The following LRRC9 variants were observed in gnomAD, a reference collection of about 807,000 sequenced individuals.
LRRC9 encodes leucine-rich repeat-containing protein 9.
Under a neutral mutation model 63.2 loss-of-function variants are expected in LRRC9, and 122 were observed. The ratio of observed to expected loss-of-function variants is 1.93; its 90% CI spans 1.67 to 2.24. LRRC9 has a LOEUF of 2.24. Among genes scored for constraint, LRRC9 ranks in the 30% most tolerant of loss-of-function variants. The pLI is 0.00. For missense variants in LRRC9, 1,071 were observed against 627.7 expected (o/e 1.71, Z -7.55); for synonymous variants, 366 against 213.1 (o/e 1.72, Z -6.25).
intron 23 of LRRC9, among the ~76,000 whole-genome samples, chr14:60,008,441 A>G (rs563130786): frequency 6.6e-6 from 1 of 152,290 alleles, no homozygotes; most frequent in Non-Finnish European, 1.5e-5. Context: ...TGTGCTGCTT[A>G]CAATAGAACC....
intron 29 of LRRC9, among the ~76,000 whole-genome samples, chr14:60,041,681 T>C (rs984097391): frequency 2.0e-5 from 3 of 152,218 alleles, no homozygotes; most frequent in African/African-American, 7.2e-5. Flanking sequence ...TTGTGATGTG[T>C]TCGAACACCC....
At chr14:60,061,851 T>C (rs1471492484) in intron 31 of LRRC9, among the ~76,000 whole-genome samples, 160 bp from the exon 32 acceptor site, 2 of 152,226 alleles carry the variant, frequency 1.3e-5, no homozygotes. Context: ...ACATTATAAT[T>C]CTATATTTTT....
At chr14:60,036,825 T>C (rs1224737861) in intron 29 of LRRC9, among the ~76,000 whole-genome samples, 1 of 152,140 alleles carries the variant, frequency 6.6e-6, no homozygotes, top group East Asian at 1.9e-4. Flanking sequence ...TGCAAGTTTG[T>C]TACATATGTA....
At position 60,042,510 on chromosome 14, in the gene LRRC9, G is replaced by A. The variant is rs1441635587; in HGVS notation, c.3990+10447G>A. Among the ~76,000 whole-genome samples the A allele has an allele frequency of 6.6e-6, 1 of 152,228 alleles. No homozygotes were observed. The highest frequency in any genetic ancestry group is 2.1e-4 in the South Asian group (1 of 4,836). ...AGTTCGATCTCAGACTGCTGTGCTGGCAGTGAGTGAGGCTCCGTGGGCATG... is the reference window on the plus strand; with the variant it reads ...AGTTCGATCTCAGACTGCTGTGCTGACAGTGAGTGAGGCTCCGTGGGCATG... On this transcript the variant is annotated intron_variant, in intron 29 of 31. Coordinates refer to ENST00000445360, the Ensembl canonical transcript of LRRC9. This position sits in a 1 kb window ranked among gnomAD's most constrained non-coding sequence, Gnocchi z 4.2.
chr14:60,019,190 A>G, exon 26 of LRRC9: 4 of 700,448 alleles, frequency 5.7e-6, no homozygotes, highest in Non-Finnish European at 1.0e-5. Context: ...TCACTTAACC[A>G]GTAGACAACT....
Position 60,036,271 on chromosome 14 carries a change from T to A in LRRC9, c.3990+4208T>A, listed in dbSNP as rs896021345. Among the ~76,000 whole-genome samples the A allele has an allele frequency of 2.0e-5, 3 of 152,178 alleles. No homozygotes were observed. In the South Asian group the frequency reaches 6.2e-4, roughly 32 times the overall value. ...ATTTTGGGGGCACATCAGCATTCAG[T>A]CCATAGCAACATTTAATCCTTAGCC... On this transcript the variant is annotated intron_variant, in intron 29 of 31. Coordinates refer to ENST00000445360, the Ensembl canonical transcript of LRRC9.
intron 16 of LRRC9, among the ~76,000 whole-genome samples, chr14:59,982,397 T>G (rs1256225848): frequency 1.3e-5 from 2 of 152,268 alleles, no homozygotes; most frequent in Non-Finnish European, 2.9e-5. Flanking sequence ...GAGTAATTTA[T>G]GAAGAGAATA....
rs1881238701 is a variant in LRRC9 at position 59,938,060 on chromosome 14, G to A, written c.544-330G>A. On this transcript the variant is annotated intron_variant, in intron 6 of 31. Transcript: ENST00000445360. This position sits in a 1 kb window ranked among gnomAD's most constrained non-coding sequence, Gnocchi z 4.2. ...ATCAGAGACCTACAGGTATCCTGGG[G>A]GCAATTAGCAAGAGGGGCTGTGTAG... 6.6e-6 allele frequency among the ~76,000 whole-genome samples: 1 copy of A among 152,082 alleles called. No individual in the cohort carries two copies. The highest frequency in any genetic ancestry group is 1.5e-5 in the Non-Finnish European group (1 of 68,002).
At position 60,022,895 on chromosome 14, in the gene LRRC9, TAA is replaced by T. The variant is rs1891222745; in HGVS notation, c.3703+26_3703+27del. On this transcript the variant is annotated intron_variant, in intron 27 of 31. Transcript: ENST00000445360. ...GGTGAGTAGAAACACTGTTACTGTA[TAA>T]GTCTTTATTTTTAAAAACTGATTTT... 3 of 535,568 alleles carry T rather than the reference TAA, an allele frequency of 5.6e-6. No individual in the cohort carries two copies. The South Asian group carries it at 7.9e-5, about 14-fold the overall frequency. The allele number at this position is 535,568 out of a possible 1,614,324, so 33.2% of individuals were successfully genotyped here. A position where few individuals can be genotyped will look rare whatever the true frequency, so the allele number is the denominator to read the frequency against.
chr14:60,047,742 C>G (rs1171044826), intron 29 of LRRC9, among the ~76,000 whole-genome samples: 1 of 152,128 alleles, frequency 6.6e-6, no homozygotes, highest in Non-Finnish European at 1.5e-5. Flanking sequence ...ATCATTGAGA[C>G]AGAAAATTAA....
chr14:60,032,976 T>TAATATTTA (rs1368137591), intron 29 of LRRC9, among the ~76,000 whole-genome samples: 2 of 152,148 alleles, frequency 1.3e-5, no homozygotes, highest in Non-Finnish European at 2.9e-5. Context: ...GTATTCAACC[T>TAATATTTA]TCGCATTCAT....
chr14:59,985,342 C>T (rs1242002966), intron 17 of LRRC9, 118 bp downstream of exon 17: 1 of 476,272 alleles, frequency 2.1e-6, no homozygotes, highest in African/African-American at 1.9e-5. Context: ...AGGGTATAAA[C>T]TTTCAGTTAT....
At chr14:60,026,158 G>A (rs1368495585) in intron 27 of LRRC9, among the ~76,000 whole-genome samples, 2 of 152,062 alleles carry the variant, frequency 1.3e-5, no homozygotes, top group Non-Finnish European at 2.9e-5. Context: ...CAATGGAAGT[G>A]ACAGGAGAAG....
rs368884264 is a variant in LRRC9, at chr14:59,951,855, G to A, written c.882+7111G>A. On this transcript the variant is annotated intron_variant, in intron 8 of 31. Coordinates refer to ENST00000445360, the Ensembl canonical transcript of LRRC9. Reference sequence around the variant, plus strand: ...ACCCACTTGAGGAGGCAGTCTGCCCGTTCTCAGATCTCCAGCTGCGTTCTG... The same window carrying A: ...ACCCACTTGAGGAGGCAGTCTGCCCATTCTCAGATCTCCAGCTGCGTTCTG... Among the ~76,000 whole-genome samples the A allele has an allele frequency of 1.5e-3, 229 of 152,244 alleles. 1 individual carries two copies. The highest frequency in any genetic ancestry group is 3.3e-3 in the South Asian group (16 of 4,820).
At chr14:59,997,481 G>T (rs1313811955) in intron 17 of LRRC9, among the ~76,000 whole-genome samples, 175 bp from the exon 18 acceptor site, 1 of 152,106 alleles carries the variant, frequency 6.6e-6, no homozygotes, top group Non-Finnish European at 1.5e-5. Flanking sequence ...CATAATACCT[G>T]TAGCTCTTTA....
At chr14:60,062,203 T>G (rs1894698638) in intron 31 of LRRC9, 24 bp downstream of exon 32, 1 of 398,462 alleles carries the variant, frequency 2.5e-6, no homozygotes, top group South Asian at 1.3e-4. Flanking sequence ...CTCTGTGTTT[T>G]AATATCATTT....
At position 59,990,235 on chromosome 14, in the gene LRRC9, C is replaced by G. The variant is rs149602470; in HGVS notation, c.2211+5011C>G. Reference sequence around the variant, plus strand: ...AGCCGCTGTGCCCAGCCTAGATCTTCTTTTTTATTCACCTCTCGTGTCCTT... The same window carrying G: ...AGCCGCTGTGCCCAGCCTAGATCTTGTTTTTTATTCACCTCTCGTGTCCTT... On this transcript the variant is annotated intron_variant, in intron 17 of 31. Coordinates refer to ENST00000445360, the Ensembl canonical transcript of LRRC9. The surrounding 1 kb of genome is among the most constrained non-coding windows in gnomAD (Gnocchi z 4.2). Among the ~76,000 whole-genome samples, 2 of 152,104 alleles carry G rather than the reference C, an allele frequency of 1.3e-5. No individual in the cohort carries two copies. Among genetic ancestry groups the G allele is most frequent in the Non-Finnish European group, 2.9e-5 (2 of 67,968 alleles).
rs78220743 is a variant in LRRC9, at chr14:59,998,951, A to G, written c.2404-150A>G. ...TTAATTATTCAACATAATTTCAACT[A>G]TTATTTAAATAATTAAGCTTTTTTT... On this transcript the variant is annotated intron_variant, in intron 18 of 31. Coordinates refer to ENST00000445360, the Ensembl canonical transcript of LRRC9. 207 of 445,658 alleles carry G rather than the reference A, an allele frequency of 4.6e-4. 1 individual carries two copies. Among genetic ancestry groups the G allele is most frequent in the Non-Finnish European group, 7.2e-4 (182 of 252,794 alleles). The allele number at this position is 445,658 out of a possible 1,614,324, so 27.6% of individuals were successfully genotyped here.
rs1213072414 is a variant in LRRC9 at position 59,952,125 on chromosome 14, C to A, written c.882+7381C>A. Among the ~76,000 whole-genome samples the A allele has an allele frequency of 1.4e-4, 21 of 152,094 alleles. No individual in the cohort carries two copies. In the South Asian group the frequency reaches 4.4e-3, roughly 32 times the overall value. ...TCGCTGCCGCCTTGCAGTTTGATCT[C>A]AGACTGCTGTGCTAGCAATCAGCGA... On this transcript the variant is annotated intron_variant, in intron 8 of 31. Coordinates refer to ENST00000445360, the Ensembl canonical transcript of LRRC9.
Sources: allele counts gnomAD v4.1 joint callset (sites outside exome capture counted in the v4.1 genomes callset), GRCh38; gene constraint gnomAD v4.1.1; non-coding constraint Gnocchi (gnomAD v3.1); transcripts MANE v1.5; gene names NCBI Gene and HGNC (gene_info 2026-07-23, HGNC 2026-07-21).